The following RBM12 variants were observed in gnomAD, a reference collection of about 807,000 sequenced individuals.
RBM12 encodes the protein RNA-binding protein 12.
Under a neutral mutation model 37.2 loss-of-function variants are expected in RBM12, and 24 were observed. The observed-to-expected ratio is 0.65, with a 90% confidence interval of 0.47 to 0.91. The LOEUF is 0.91. Among genes scored for constraint, RBM12 ranks in the 40% least tolerant of loss-of-function variants. The pLI is 0.00. For missense variants in RBM12, 1,061 were observed against 1,183.2 expected (o/e 0.90, Z 1.52); for synonymous variants, 420 against 425.2 (o/e 0.99, Z 0.15).
At position 35,652,219 on chromosome 20, in the gene RBM12, C is replaced by A. The variant is rs1260325805; in HGVS notation, c.*305G>T. ...TTTCTTCATCCCATATGGTATAAAA[C>A]AAAACCAATCTAGACTCCTTGATAA... is the stretch of plus-strand genomic sequence containing the variant. On this transcript the variant is annotated 3_prime_UTR_variant, in exon 3 of 3. Transcript: ENST00000374114. The A allele has an allele frequency of 4.3e-6, 1 of 233,036 alleles. No individual in the cohort carries two copies. Among genetic ancestry groups the A allele is most frequent in the African/African-American group, 2.3e-5 (1 of 43,614 alleles). 14.4% of individuals were successfully genotyped at this position (233,036 alleles called of 1,614,324 possible).
chr20:35,664,191 G>C (rs1042639130), intron 1 of RBM12, among the ~76,000 whole-genome samples: 1 of 152,140 alleles, frequency 6.6e-6, no homozygotes, highest in Non-Finnish European at 1.5e-5. Flanking sequence ...CCACCTTCAG[G>C]CCACGAAGGC....
Position 35,659,383 on chromosome 20 carries a change from G to A in RBM12, c.-107-369C>T, listed in dbSNP as rs141818935. ...CCGTAACACAAGTCTATTTCCCCAGGTTCTCACCAAATTTGTGATGAAAAG... is the reference window on the plus strand; with the variant it reads ...CCGTAACACAAGTCTATTTCCCCAGATTCTCACCAAATTTGTGATGAAAAG... On this transcript the variant is annotated intron_variant, in intron 1 of 2. Transcript: ENST00000374114. 2.9e-3 allele frequency among the ~76,000 whole-genome samples: 448 copies of A among 152,234 alleles called. 4 individuals carry two copies. Among genetic ancestry groups the A allele is most frequent in the Admixed American group, 0.026 (399 of 15,296 alleles).
In RBM12 at chr20:35,652,419, A is replaced by G. The variant is rs1004094357; in HGVS notation, c.*105T>C. ...TGTTATGGAAACCAAGCTATATGCA[A>G]TTGAAACAATCCACAGGTTCTAACC... On this transcript the variant is annotated 3_prime_UTR_variant, in exon 3 of 3. Transcript: ENST00000374114. 1.5e-6 allele frequency: 2 copies of G among 1,350,816 alleles called. No individual in the cohort carries two copies. Among genetic ancestry groups the G allele is most frequent in the South Asian group, 1.4e-5 (1 of 70,834 alleles). 83.7% of individuals were successfully genotyped at this position (1,350,816 alleles called of 1,614,324 possible). A position where few individuals can be genotyped will look rare whatever the true frequency, so the allele number is the denominator to read the frequency against.
chr20:35,657,963 G>A (rs1447985988), intron 2 of RBM12, among the ~76,000 whole-genome samples: 2 of 152,100 alleles, frequency 1.3e-5, no homozygotes, highest in Non-Finnish European at 2.9e-5. Context: ...TAGGGAGGCT[G>A]AGGCAGAAGA....
chr20:35,662,106 T>C (rs2034263203), intron 1 of RBM12, among the ~76,000 whole-genome samples: 1 of 152,346 alleles, frequency 6.6e-6, no homozygotes, highest in East Asian at 1.9e-4. Context: ...CTGACACTGA[T>C]GGAGATGTGT....
rs1226014565 is a variant in RBM12, at chr20:35,655,180, G to A, written c.143C>T (p.Ala48Val). The A allele has an allele frequency of 1.9e-6, 3 of 1,613,992 alleles. No homozygotes were observed. Among genetic ancestry groups the A allele is most frequent in the Non-Finnish European group, 1.7e-6 (2 of 1,180,030 alleles). ...ACCAAGCCTTGCATCTTCATCAGTG[G>A]CAAAAACGATGAAAGCCTCACCCAG... ...GELGEAFIVF[A>V]TDEDARLGMM... Residue 48 changes from alanine (A) to valine (V), a missense_variant, in exon 3 of 3, where the codon GCC becomes GTC. Ala to Val is a moderately conservative substitution (Grantham distance 64). This residue lies in a region of RBM12 where 540 missense variants were observed against 632.7 expected (regional missense o/e 0.85). Transcript: ENST00000374114.
chr20:35,663,055 T>C (rs2034322300), intron 1 of RBM12, among the ~76,000 whole-genome samples: 2 of 152,236 alleles, frequency 1.3e-5, no homozygotes, highest in East Asian at 1.9e-4. Context: ...ATCTTCATTG[T>C]TTTGTATAAA....
At chr20:35,658,797 AC>A in intron 2 of RBM12, 132 bp downstream of exon 2, 1 of 521,590 alleles carries the variant, frequency 1.9e-6, no homozygotes, top group Non-Finnish European at 3.3e-6. Flanking sequence ...AAACAAGCAA[AC>A]AAAAACACAC....
At position 35,652,796 on chromosome 20, in the gene RBM12, G is replaced by C; in HGVS notation, c.2527C>G (p.Pro843Ala). ...CCAGAACTAGATGCAAAGCCAGGGG[G>C]ACCACCAATATGGATTGGGCCAGGG... ...PGPGPIHIGG[P>A]PGFASSSGKP... is the part of the protein sequence containing the mutation. The change falls in exon 3 of 3, where the codon CCC becomes GCC. Residue 843 changes from proline (P) to alanine (A), a missense_variant. By Grantham distance (27) the Pro-to-Ala change is conservative. Coordinates refer to ENST00000374114, the MANE Select transcript of RBM12 (RefSeq NM_006047.6). 1 of 1,609,212 alleles carries C rather than the reference G, an allele frequency of 6.2e-7. No homozygotes were observed.
chr20:35,651,017 T>C lies in RBM12; in HGVS notation c.*1507A>G, dbSNP rs2033473695. 1.3e-5 allele frequency: 2 copies of C among 152,498 alleles called. No individual in the cohort carries two copies. Among genetic ancestry groups the C allele is most frequent in the African/African-American group, 4.8e-5 (2 of 41,440 alleles). The allele number at this position is 152,498 out of a possible 1,614,324, so 9.4% of individuals were successfully genotyped here. A position where few individuals can be genotyped will look rare whatever the true frequency, so the allele number is the denominator to read the frequency against. On this transcript the variant is annotated 3_prime_UTR_variant, in exon 3 of 3. Coordinates refer to ENST00000374114, the MANE Select transcript of RBM12 (RefSeq NM_006047.6). ...TCTGTATTGTTTATAATGTGACACA[T>C]TTTCAGAGCATTGACTAGGGAAAGT... is the stretch of plus-strand genomic sequence containing the variant.
rs765195813 is a variant in RBM12 at position 35,654,301 on chromosome 20, C to T, written c.1022G>A (p.Arg341Gln). 3.1e-6 allele frequency: 5 copies of T among 1,614,144 alleles called. No homozygotes were observed. The highest frequency in any genetic ancestry group is 2.2e-5 in the South Asian group (2 of 91,080). ...CTTAACCAATCCATTCCCATTATTTCGACCTACATGATCTTTCAACAAATG... is the reference window on the plus strand; with the variant it reads ...CTTAACCAATCCATTCCCATTATTTTGACCTACATGATCTTTCAACAAATG... ...AVHLLKDHVGRNNGNGLVKFL... is the reference protein window; with the variant it reads ...AVHLLKDHVGQNNGNGLVKFL... Residue 341 changes from arginine (R) to glutamine (Q), a missense_variant, in exon 3 of 3, where the codon CGA becomes CAA. This residue lies in a region of RBM12 where 540 missense variants were observed against 632.7 expected (regional missense o/e 0.85). Coordinates refer to ENST00000374114, the MANE Select transcript of RBM12 (RefSeq NM_006047.6).
intron 1 of RBM12, among the ~76,000 whole-genome samples, chr20:35,660,627 TA>T (rs1176547356): frequency 6.6e-6 from 1 of 152,184 alleles, no homozygotes; most frequent in Non-Finnish European, 1.5e-5. Context: ...CTGCTTCAAG[TA>T]AAGCAATGAG....
chr20:35,654,499 A>G lies in RBM12; in HGVS notation c.824T>C (p.Met275Thr), dbSNP rs1288712631. The change falls in exon 3 of 3, where the codon ATG becomes ACG. Residue 275 changes from methionine (M) to threonine (T), a missense_variant. Transcript: ENST00000374114. Reference protein sequence around the residue: ...PMNLNNNLNPMFLGPLNPVNP... With the variant: ...PMNLNNNLNPTFLGPLNPVNP... ...AACAGGATTCAACGGACCAAGAAAC[A>G]TAGGATTCAGATTATTGTTCAAATT... 8 of 1,614,116 alleles carry G rather than the reference A, an allele frequency of 5.0e-6. No individual in the cohort carries two copies. The highest frequency in any genetic ancestry group is 1.6e-4 in the Middle Eastern group (1 of 6,084).
intron 2 of RBM12, among the ~76,000 whole-genome samples, chr20:35,655,587 A>C (rs746619648): frequency 1.1e-4 from 16 of 152,232 alleles, no homozygotes; most frequent in Non-Finnish European, 2.2e-4. Flanking sequence ...AAGACTCAAA[A>C]AGTTCAAGAA....
At position 35,654,938 on chromosome 20, in the gene RBM12, G is replaced by C. The variant is rs191944725; in HGVS notation, c.385C>G (p.Pro129Ala). The change falls in exon 3 of 3, where the codon CCA (proline) becomes GCA (alanine). Residue 129 changes from proline (P) to alanine (A), a missense_variant. Pro to Ala is a conservative substitution (Grantham distance 27). This residue lies in a region of RBM12 where 540 missense variants were observed against 632.7 expected (regional missense o/e 0.85). Coordinates refer to ENST00000374114, the MANE Select transcript of RBM12 (RefSeq NM_006047.6). ...GTGGCAGTAACTACACTGGGTGATGGATTATTAAAGTTGGATACTGTTGTG... is the reference window on the plus strand; with the variant it reads ...GTGGCAGTAACTACACTGGGTGATGCATTATTAAAGTTGGATACTGTTGTG... Reference protein sequence around the residue: ...LPTTVSNFNNPSPSVVTATTS... With the variant: ...LPTTVSNFNNASPSVVTATTS... The C allele has an allele frequency of 2.5e-6, 4 of 1,614,132 alleles. No homozygotes were observed. The highest frequency in any genetic ancestry group is 2.7e-5 in the African/African-American group (2 of 75,026).
In RBM12 at chr20:35,654,886, T is replaced by C. The variant is rs749667549; in HGVS notation, c.437A>G (p.Asn146Ser). The stretch of plus-strand genomic sequence containing the variant: ...GCTGGCTGTGGAAAATGTCTGTATG[T>C]TTTTGTTGCTTTCATGAACAGAAGT... ...ATTSVHESNK[N>S]IQTFSTASVG... The change falls in exon 3 of 3, where the codon AAC (asparagine) becomes AGC (serine). Residue 146 changes from asparagine (N) to serine (S), a missense_variant. Asn to Ser is a conservative substitution (Grantham distance 46, BLOSUM62 1). Around this residue, in one of 3 missense-constraint regions of RBM12, gnomAD observed 540 missense variants for 632.7 expected, o/e 0.85. Transcript: ENST00000374114. The C allele has an allele frequency of 1.2e-6, 2 of 1,613,926 alleles. No individual in the cohort carries two copies. Among genetic ancestry groups the C allele is most frequent in the East Asian group, 4.5e-5 (2 of 44,892 alleles).
At chr20:35,658,842 A>G (rs1164748208) in intron 2 of RBM12, 88 bp downstream of exon 2, 4 of 672,812 alleles carry the variant, frequency 5.9e-6, no homozygotes, top group African/African-American at 5.6e-5. Flanking sequence ...CACACACAAT[A>G]TAGTTGCTAC....
Position 35,654,797 on chromosome 20 carries a change from G to C in RBM12, c.526C>G (p.Pro176Ala), listed in dbSNP as rs763463050. 10 of 1,614,074 alleles carry C rather than the reference G, an allele frequency of 6.2e-6. No homozygotes were observed. The highest frequency in any genetic ancestry group is 4.0e-5 in the African/African-American group (3 of 74,944). The part of the protein sequence containing the change: ...FGSPTFSSTV[P>A]STASPMNTVP... ...GTGTTCATTGGAGAGGCTGTGCTTG[G>C]AACAGTTGAGCTAAACGTTGGGCTC... The change falls in exon 3 of 3, where the codon CCA (proline) becomes GCA (alanine). Residue 176 changes from proline (P) to alanine (A), a missense_variant. Pro to Ala is a conservative substitution (Grantham distance 27, BLOSUM62 -1). This residue lies in a region of RBM12 where 540 missense variants were observed against 632.7 expected (regional missense o/e 0.85). Transcript: ENST00000374114.
At chr20:35,656,204 CT>C (rs1382297855) in intron 2 of RBM12, among the ~76,000 whole-genome samples, 2 of 152,126 alleles carry the variant, frequency 1.3e-5, no homozygotes, top group African/African-American at 4.8e-5. Flanking sequence ...TTATTTTCCC[CT>C]AGGAGAGGGC....
Sources: allele counts gnomAD v4.1 joint callset (sites outside exome capture counted in the v4.1 genomes callset), GRCh38; gene constraint gnomAD v4.1.1; regional missense constraint gnomAD v4.1.1; transcripts MANE v1.5; gene names NCBI Gene and HGNC (gene_info 2026-07-23, HGNC 2026-07-21).